Variants in ALK observed in about 807,000 individuals in gnomAD.
ALK encodes the protein ALK tyrosine kinase receptor.
Under a neutral mutation model 163.1 loss-of-function variants are expected in ALK, and 74 were observed. The observed-to-expected ratio is 0.45, with a 90% CI of 0.38 to 0.55. The LOEUF (loss-of-function observed/expected upper bound fraction) is 0.55, where lower values mean the gene tolerates loss of function less well. Among genes scored for constraint, ALK ranks in the 20% least tolerant of loss-of-function variants. ALK has a pLI of 0.00. For missense variants in ALK, 2,063 were observed against 2,105.3 expected, an observed-to-expected ratio of 0.98 and a Z score of 0.39; for synonymous variants, 960 against 843.2, an observed-to-expected ratio of 1.14 and a Z score of -2.40.
At chr2:29,323,194 G>GA (rs1286111658) in intron 6 of ALK, among the ~76,000 whole-genome samples, 1 of 152,224 alleles carries the variant, frequency 6.6e-6, no homozygotes, top group African/African-American at 2.4e-5. Flanking sequence ...GTAGGGGAGA[G>GA]AGTGTGGAAA....
intron 3 of ALK, among the ~76,000 whole-genome samples, chr2:29,590,841 A>G (rs1003978331): frequency 6.6e-6 from 1 of 151,660 alleles, no homozygotes; most frequent in Admixed American, 6.6e-5. Context: ...GGAGGCCGAG[A>G]CGGGCGGATC....
chr2:29,816,201 A>C (rs987537437), intron 1 of ALK, among the ~76,000 whole-genome samples: 8 of 152,236 alleles, frequency 5.3e-5, no homozygotes, highest in African/African-American at 9.6e-5. Flanking sequence ...AACATTAAGT[A>C]ATAGATTCAT....
At chr2:29,322,888 A>T (rs1667112870) in intron 6 of ALK, among the ~76,000 whole-genome samples, 1 of 152,170 alleles carries the variant, frequency 6.6e-6, no homozygotes, top group Non-Finnish European at 1.5e-5. Context: ...ATGATGGAAG[A>T]TTCCAGTGGG....
intron 1 of ALK, among the ~76,000 whole-genome samples, chr2:29,718,702 C>T (rs1679335701): frequency 6.6e-6 from 1 of 152,168 alleles, no homozygotes; most frequent in Non-Finnish European, 1.5e-5. Flanking sequence ...TTTACAGATG[C>T]ATCAACTGAG....
Position 29,806,037 on chromosome 2 carries a change from G to A in ALK, c.668-88340C>T, listed in dbSNP as rs543167371. On this transcript the variant is annotated intron_variant, in intron 1 of 28. Coordinates refer to ENST00000389048, the MANE Select transcript of ALK (RefSeq NM_004304.5). ...GAGGGGTGTCTGTGTGTGTCTATAC[G>A]TCCCCAGGCTTCAGTAGGTAAGTAA... Among the ~76,000 whole-genome samples the A allele has an allele frequency of 5.3e-5, 8 of 152,310 alleles. No homozygotes were observed. In the East Asian group the frequency reaches 5.8e-4, roughly 11 times the overall value.
chr2:29,259,507 T>C (rs1306064168), intron 11 of ALK, among the ~76,000 whole-genome samples: 2 of 152,174 alleles, frequency 1.3e-5, no homozygotes, highest in Non-Finnish European at 2.9e-5. Context: ...ACTGGAGAAA[T>C]ATTCCTTGAA....
At position 29,337,210 on chromosome 2, in the gene ALK, C is replaced by T. The variant is rs536119113; in HGVS notation, c.1283-8729G>A. Among the ~76,000 whole-genome samples, 9 of 152,284 alleles carry T rather than the reference C, an allele frequency of 5.9e-5. No homozygotes were observed. The South Asian group carries it at 1.7e-3, about 28-fold the overall frequency. ...CAGTCCTGCTGAGGGCTTTGGGCCTCCTCAGTTGTAGTGTGGACAACCTCA... is the reference window on the plus strand; with the variant it reads ...CAGTCCTGCTGAGGGCTTTGGGCCTTCTCAGTTGTAGTGTGGACAACCTCA... On this transcript the variant is annotated intron_variant, in intron 5 of 28. Transcript: ENST00000389048.
chr2:29,613,654 C>T (rs879618872), intron 3 of ALK, among the ~76,000 whole-genome samples: 7 of 152,200 alleles, frequency 4.6e-5, no homozygotes, highest in Non-Finnish European at 7.3e-5. Flanking sequence ...ACCTTGTTCT[C>T]CATGGAATGG....
At chr2:29,645,618 C>T (rs1440577992) in intron 3 of ALK, among the ~76,000 whole-genome samples, 1 of 152,134 alleles carries the variant, frequency 6.6e-6, no homozygotes, top group Non-Finnish European at 1.5e-5. Flanking sequence ...TGGACCAGGG[C>T]CCAGCAATTC....
intron 4 of ALK, among the ~76,000 whole-genome samples, chr2:29,419,697 C>A (rs532420869): frequency 6.6e-6 from 1 of 151,280 alleles, no homozygotes; most frequent in East Asian, 1.9e-4. Flanking sequence ...GGTTTATCAT[C>A]GGGAAAGTTA....
intron 4 of ALK, among the ~76,000 whole-genome samples, chr2:29,512,147 T>C (rs1672538359): frequency 6.6e-6 from 1 of 152,340 alleles, no homozygotes; most frequent in Admixed American, 6.5e-5. Context: ...AAGTCTGCAA[T>C]AATTTTCTCT....
chr2:29,915,843 G>A (rs183812429), intron 1 of ALK, among the ~76,000 whole-genome samples: 52 of 152,180 alleles, frequency 3.4e-4, no homozygotes, highest in African/African-American at 1.2e-3. Context: ...CCAAACCCCT[G>A]GATATACAGA....
chr2:29,456,266 C>T (rs983562509), intron 4 of ALK, among the ~76,000 whole-genome samples: 1 of 152,138 alleles, frequency 6.6e-6, no homozygotes, highest in African/African-American at 2.4e-5. Context: ...GATATTTGTA[C>T]ACCCACGTTC....
At chr2:29,548,833 G>T (rs952357444) in intron 3 of ALK, among the ~76,000 whole-genome samples, 1 of 152,120 alleles carries the variant, frequency 6.6e-6, no homozygotes, top group Non-Finnish European at 1.5e-5. Context: ...CCTTGGGGGG[G>T]ATGTTTTTCC....
At chr2:29,196,931 C>T (rs1669037834) in intron 27 of ALK, 71 bp from the exon 28 acceptor site, 2 of 1,361,230 alleles carry the variant, frequency 1.5e-6, no homozygotes, top group Non-Finnish European at 2.1e-6. Context: ...CTTCCAGCCC[C>T]AGGGTTGCAA....
intron 1 of ALK, chr2:29,890,817 G>A (rs1053986849): frequency 1.3e-5 from 2 of 152,092 alleles, no homozygotes; most frequent in African/African-American, 2.4e-5. Context: ...ACTTGCCTCA[G>A]GCCACACAGG....
At chr2:29,345,595 C>A (rs1667926473) in intron 5 of ALK, among the ~76,000 whole-genome samples, 1 of 151,884 alleles carries the variant, frequency 6.6e-6, no homozygotes, top group South Asian at 2.1e-4. Flanking sequence ...GTATTTAAGA[C>A]CTTTGAACCC....
At chr2:29,455,844 G>A (rs1170438408) in intron 4 of ALK, among the ~76,000 whole-genome samples, 4 of 152,140 alleles carry the variant, frequency 2.6e-5, no homozygotes, top group Non-Finnish European at 4.4e-5. Flanking sequence ...TCTTGAAAAA[G>A]AGAACTGACA....
At chr2:29,910,068 G>C (rs1289341140) in intron 1 of ALK, among the ~76,000 whole-genome samples, 1 of 150,560 alleles carries the variant, frequency 6.6e-6, no homozygotes, top group Non-Finnish European at 1.5e-5. Context: ...AATATAAGTA[G>C]ACATAGAAAT....
Sources: allele counts gnomAD v4.1 joint callset (sites outside exome capture counted in the v4.1 genomes callset), GRCh38; gene constraint gnomAD v4.1.1; transcripts MANE v1.5; gene names NCBI Gene and HGNC (gene_info 2026-07-23, HGNC 2026-07-21).